FBXO2: variants seen among roughly 807,000 people sequenced by gnomAD.
FBXO2 encodes the protein F-box only protein 2.
A neutral mutation model predicts 38.6 loss-of-function variants in FBXO2; 32 were observed. The ratio of observed to expected loss-of-function variants is 0.83; its 90% confidence interval spans 0.62 to 1.11. The LOEUF is 1.11. Among genes scored for constraint, FBXO2 ranks in the 50% most tolerant of loss-of-function variants. The probability of loss-of-function intolerance (pLI) is 0.00; values close to 1 mark genes in which losing one functional copy is unlikely to be tolerated. For missense variants in FBXO2, 450 were observed against 418.3 expected, an observed-to-expected ratio of 1.08 and a Z score of -0.66; for synonymous variants, 189 against 182.9, an observed-to-expected ratio of 1.03 and a Z score of -0.27.
At chr1:11,651,789 T>G (rs1028182245) in intron 1 of FBXO2, among the ~76,000 whole-genome samples, 28 of 152,102 alleles carry the variant, frequency 1.8e-4, no homozygotes, top group African/African-American at 6.8e-4. Context: ...CCCGGGTAGC[T>G]GGAAGCTGAG....
rs751451284 is a variant in FBXO2 at position 11,649,793 on chromosome 1, G to A, written c.603C>T (p.Ile201=). The stretch of plus-strand genomic sequence containing the variant: ...GACCCTCTCACCAGTCCTTCACCAC[G>A]ATGGCCGGCTGAGTCGTGTCCAGCA... ...EELLDTTQPA[I]VVKDWYSGRS... The change falls in exon 4 of 6, where the codon ATC becomes ATT. Residue 201 remains isoleucine (I), a synonymous_variant. Coordinates refer to ENST00000354287, the MANE Select transcript of FBXO2 (RefSeq NM_012168.6). The A allele has an allele frequency of 6.2e-7, 1 of 1,613,566 alleles. No homozygotes were observed. The highest frequency in any genetic ancestry group is 2.2e-5 in the East Asian group (1 of 44,824).
intron 1 of FBXO2, among the ~76,000 whole-genome samples, chr1:11,651,632 C>T (rs1451900067): frequency 6.6e-6 from 1 of 152,122 alleles, no homozygotes; most frequent in Non-Finnish European, 1.5e-5. Context: ...AGCCTGGCTC[C>T]AGAGCCATCT....
chr1:11,649,832 GC>G lies in FBXO2; in HGVS notation c.563del (p.Gly188AlafsTer16). 1 of 1,613,962 alleles carries G rather than the reference GC, an allele frequency of 6.2e-7. No individual in the cohort carries two copies. Among genetic ancestry groups the G allele is most frequent in the Non-Finnish European group, 8.5e-7 (1 of 1,180,016 alleles). Reference sequence around the variant, plus strand: ...TCGTGTCCAGCAGCTCCTCCCAGTAGCCCTCAGCCTGCAGGTCAATGACCTG... The same window carrying G: ...TCGTGTCCAGCAGCTCCTCCCAGTAGCCTCAGCCTGCAGGTCAATGACCTG... ...KAQVIDLQAE[G>X]YWEELLDTTQ... On this transcript the variant is annotated frameshift_variant, in exon 4 of 6. Coordinates refer to ENST00000354287, the MANE Select transcript of FBXO2 (RefSeq NM_012168.6). LOFTEE classifies it high-confidence loss of function.
rs1260789261 is a variant in FBXO2 at position 11,649,981 on chromosome 1, T to C, written c.485A>G (p.Asp162Gly). The change falls in exon 3 of 6, where the codon GAT becomes GGT. Residue 162 changes from aspartate (D) to glycine (G), a missense_variant. Physicochemically the swap from Asp to Gly is moderately conservative, Grantham distance 94. Transcript: ENST00000354287. ...PGDSGVEFTHDESVKKYFASS... is the reference protein window; with the variant it reads ...PGDSGVEFTHGESVKKYFASS... Reference sequence around the variant, plus strand: ...GGCGAAGTACTTCTTGACGCTCTCATCGTGGGTGAACTCCACCCCACTGTC... The same window carrying C: ...GGCGAAGTACTTCTTGACGCTCTCACCGTGGGTGAACTCCACCCCACTGTC... 6.2e-7 allele frequency: 1 copy of C among 1,613,926 alleles called. No individual in the cohort carries two copies. The highest frequency in any genetic ancestry group is 8.5e-7 in the Non-Finnish European group (1 of 1,180,028).
Position 11,648,972 on chromosome 1 carries a change from T to TCAACC in FBXO2, c.756+114_756+115insGGTTG, listed in dbSNP as rs1553163759. 4 of 713,240 alleles carry TCAACC rather than the reference T, an allele frequency of 5.6e-6. No individual in the cohort carries two copies. Among genetic ancestry groups the TCAACC allele is most frequent in the Non-Finnish European group, 8.4e-6 (4 of 475,534 alleles). The allele number at this position is 713,240 out of a possible 1,614,324, so 44.2% of individuals were successfully genotyped here. On this transcript the variant is annotated intron_variant, in intron 5 of 5. Transcript: ENST00000354287. The surrounding 1 kb of genome is among the most constrained non-coding windows in gnomAD (Gnocchi z 4.2). ...CTCTCTCCACCACCCGGTGACTATC[T>TCAACC]CAGCCCAGCCCAGCCCAGCCCACCC...
rs543068855 is a variant in FBXO2 at position 11,651,279 on chromosome 1, C to T, written c.23-445G>A. Among the ~76,000 whole-genome samples, 6 of 152,270 alleles carry T rather than the reference C, an allele frequency of 3.9e-5. No individual in the cohort carries two copies. The South Asian group carries it at 1.2e-3, about 32-fold the overall frequency. On this transcript the variant is annotated intron_variant, in intron 1 of 5. Coordinates refer to ENST00000354287, the MANE Select transcript of FBXO2 (RefSeq NM_012168.6). ...TCTCACAGCCCTTCCTAGCTTTTGT[C>T]CTGGGGTGTGATCCTGTGATAAACG...
At chr1:11,650,138 A>T in intron 2 of FBXO2, 64 bp from the exon 3 acceptor site, 1 of 1,595,352 alleles carries the variant, frequency 6.3e-7, no homozygotes, top group Non-Finnish European at 8.6e-7. Flanking sequence ...TCTTGCCACT[A>T]TGTGGTGGGG....
At chr1:11,654,065 C>T in intron 1 of FBXO2, 1 of 432,418 alleles carries the variant, frequency 2.3e-6, no homozygotes, top group South Asian at 4.7e-5. Flanking sequence ...TGTGGGGGTC[C>T]TCTGGTGCTA....
chr1:11,651,670 T>C (rs1347983934), intron 1 of FBXO2, among the ~76,000 whole-genome samples: 1 of 152,046 alleles, frequency 6.6e-6, no homozygotes, highest in African/African-American at 2.4e-5. Flanking sequence ...CACAGAATAA[T>C]TCACTGAATT....
chr1:11,650,704 G>A lies in FBXO2; in HGVS notation c.153C>T (p.Pro51=), dbSNP rs900789212. Residue 51 remains proline, a synonymous_variant, in exon 2 of 6, where the codon CCC becomes CCT. Coordinates refer to ENST00000354287, the MANE Select transcript of FBXO2 (RefSeq NM_012168.6). ...AAAAAYLDEL[P]EPLLLRVLAA... ...CCAGCACGCGCAGCAGCAGCGGCTCGGGCAGCTCGTCCAGGTACGCGGCGG... is the reference window on the plus strand; with the variant it reads ...CCAGCACGCGCAGCAGCAGCGGCTCAGGCAGCTCGTCCAGGTACGCGGCGG... 7 of 1,530,810 alleles carry A rather than the reference G, an allele frequency of 4.6e-6. No individual in the cohort carries two copies. The highest frequency in any genetic ancestry group is 2.4e-5 in the South Asian group (2 of 83,782). 94.8% of individuals were successfully genotyped at this position (1,530,810 alleles called of 1,614,324 possible).
At chr1:11,650,413 T>A in intron 2 of FBXO2, 53 bp downstream of exon 2, 1 of 1,573,956 alleles carries the variant, frequency 6.4e-7, no homozygotes, top group Non-Finnish European at 8.6e-7. Context: ...CGGCGCCGTT[T>A]CGGCCCATTT....
In FBXO2 at chr1:11,648,805, G is replaced by C; in HGVS notation, c.780C>G (p.Tyr260Ter). The C allele has an allele frequency of 2.5e-6, 4 of 1,613,720 alleles. No individual in the cohort carries two copies. Among genetic ancestry groups the C allele is most frequent in the Non-Finnish European group, 3.4e-6 (4 of 1,180,018 alleles). ...WMEISHTFTD[Y>*]GPGVRFVRFE... ...AGCGGACGAAGCGGACGCCCGGCCCGTAGTCGGTGAAGGTGTGGGAGATCT... is the reference window on the plus strand; with the variant it reads ...AGCGGACGAAGCGGACGCCCGGCCCCTAGTCGGTGAAGGTGTGGGAGATCT... The change falls in exon 6 of 6, where the codon TAC (tyrosine) becomes TAG (stop). Residue 260 changes from tyrosine to a stop codon, truncating the protein, a stop_gained. Coordinates refer to ENST00000354287, the MANE Select transcript of FBXO2 (RefSeq NM_012168.6). LOFTEE classifies it high-confidence loss of function. This position sits in a 1 kb window ranked among gnomAD's most constrained non-coding sequence, Gnocchi z 4.2.
In FBXO2 at chr1:11,648,818, G is replaced by T; in HGVS notation, c.767C>A (p.Thr256Asn). 6.2e-7 allele frequency: 1 copy of T among 1,613,696 alleles called. No individual in the cohort carries two copies. The highest frequency in any genetic ancestry group is 1.7e-5 in the Admixed American group (1 of 60,032). Reference protein sequence around the residue: ...DGGGWMEISHTFTDYGPGVRF... With the variant: ...DGGGWMEISHNFTDYGPGVRF... ...GACGCCCGGCCCGTAGTCGGTGAAG[G>T]TGTGGGAGATCTGGGGGTGGAGGTA... Residue 256 changes from threonine to asparagine, a missense_variant, in exon 6 of 6, where the codon ACC becomes AAC. Thr to Asn is a moderately conservative substitution (Grantham distance 65). Transcript: ENST00000354287. This position sits in a 1 kb window ranked among gnomAD's most constrained non-coding sequence, Gnocchi z 4.2.
chr1:11,650,832 T>G lies in FBXO2; in HGVS notation c.25A>C (p.Ser9Arg). Residue 9 changes from serine (S) to arginine (R), a missense_variant and splice_region_variant, in exon 2 of 6, where the codon AGC becomes CGC. Ser to Arg is a moderately radical substitution (Grantham distance 110). Coordinates refer to ENST00000354287, the MANE Select transcript of FBXO2 (RefSeq NM_012168.6). ...CTTGCCTCCTCGGGCTGGCCCACGC[T>G]CTCTGCAGGCAGGGATGGGTGGGAG... is the stretch of plus-strand genomic sequence containing the variant. MDGDGDPE[S>R]VGQPEEASPE... The G allele has an allele frequency of 1.3e-6, 2 of 1,553,902 alleles. No homozygotes were observed. Among genetic ancestry groups the G allele is most frequent in the Non-Finnish European group, 1.7e-6 (2 of 1,155,790 alleles).
At chr1:11,652,442 T>TA (rs1313574976) in intron 1 of FBXO2, among the ~76,000 whole-genome samples, 4 of 152,162 alleles carry the variant, frequency 2.6e-5, no homozygotes, top group African/African-American at 9.7e-5. Context: ...TGCCAGGCCA[T>TA]ACAAACAGGA....
intron 1 of FBXO2, chr1:11,653,542 G>T (rs1377251154): frequency 6.6e-6 from 1 of 152,636 alleles, no homozygotes; most frequent in East Asian, 1.9e-4. Context: ...GCGGGGGAAT[G>T]GGGGGTGAGG....
At chr1:11,651,521 C>T (rs1639519986) in intron 1 of FBXO2, among the ~76,000 whole-genome samples, 1 of 152,136 alleles carries the variant, frequency 6.6e-6, no homozygotes, top group Non-Finnish European at 1.5e-5. Flanking sequence ...GCTCTTATTG[C>T]TGTTCTTATT....
In FBXO2 at chr1:11,650,722, C is replaced by CGCG. The variant is rs148874459; in HGVS notation, c.132_134dup (p.Ala45dup). 345,729 of 1,524,414 alleles carry CGCG rather than the reference C, an allele frequency of 0.23. 44,781 individuals carry two copies. Among genetic ancestry groups the CGCG allele is most frequent in the African/African-American group, 0.54 (38,286 of 70,432 alleles). 94.4% of individuals were successfully genotyped at this position (1,524,414 alleles called of 1,614,324 possible). A position where few individuals can be genotyped will look rare whatever the true frequency, so the allele number is the denominator to read the frequency against. On this transcript the variant is annotated inframe_insertion, in exon 2 of 6. Coordinates refer to ENST00000354287, the MANE Select transcript of FBXO2 (RefSeq NM_012168.6). ...GCGGCTCGGGCAGCTCGTCCAGGTA[C>CGCG]GCGGCGGCGGCCGCCGCCTCCTCCT...
intron 1 of FBXO2, among the ~76,000 whole-genome samples, chr1:11,651,342 A>C (rs911424979): frequency 1.3e-5 from 2 of 152,198 alleles, no homozygotes; most frequent in Admixed American, 1.3e-4. Flanking sequence ...TAAGGGCCAG[A>C]ACATGGTCTG....
Sources: gnomAD v4.1 joint callset for allele counts (sites outside exome capture counted in the v4.1 genomes callset) on GRCh38, gnomAD v4.1.1 for gene constraint, Gnocchi (gnomAD v3.1) non-coding constraint, MANE v1.5 for transcripts, NCBI Gene and HGNC (gene_info 2026-07-23, HGNC 2026-07-21) for gene names.